ADGRL3: variants seen among roughly 807,000 people sequenced by gnomAD.
ADGRL3 encodes adhesion G protein-coupled receptor L3.
Under a neutral mutation model 153.5 loss-of-function variants are expected in ADGRL3, and 62 were observed. That is an observed-to-expected ratio of 0.40 (90% CI 0.33 to 0.50). ADGRL3 has a LOEUF of 0.50. ADGRL3 is among the 20% of genes least tolerant of loss of function. The pLI is 0.47. For synonymous variants in ADGRL3, 710 were observed against 672.5 expected, an observed-to-expected ratio of 1.06 and a Z score of -0.86; for missense variants, 1,641 against 1,859.4, an observed-to-expected ratio of 0.88 and a Z score of 2.16.
In ADGRL3 at chr4:61,895,816, C is replaced by G; in HGVS notation, c.1869C>G (p.Val623=). The change falls in exon 11 of 27, where the codon GTC becomes GTG. Residue 623 remains valine, a synonymous_variant. Coordinates refer to ENST00000683033, the MANE Select transcript of ADGRL3 (RefSeq NM_001387552.1). ...TCAGCAACTGTTCTTCTCCTTGGGT[C>G]AATCATATAACACAGAAGGTAAATC... is the stretch of plus-strand genomic sequence containing the variant. ...PDLSNCSSPW[V]NHITQKLKSG... 6.3e-7 allele frequency: 1 copy of G among 1,588,652 alleles called. No homozygotes were observed. Among genetic ancestry groups the G allele is most frequent in the Non-Finnish European group, 8.6e-7 (1 of 1,165,292 alleles).
At chr4:61,544,929 T>G (rs963750846) in intron 4 of ADGRL3, among the ~76,000 whole-genome samples, 11 of 152,032 alleles carry the variant, frequency 7.2e-5, no homozygotes, top group African/African-American at 2.4e-4. Flanking sequence ...TCTTTTACTC[T>G]TTTTTTTCAG....
In ADGRL3 at chr4:61,361,864, G is replaced by A. The variant is rs530991431; in HGVS notation, c.-239-21260G>A. 4.6e-5 allele frequency among the ~76,000 whole-genome samples: 7 copies of A among 151,028 alleles called. No individual in the cohort carries two copies. In the South Asian group the frequency reaches 1.0e-3, roughly 23 times the overall value. ...TAAATAAGCATAAAGTATAAAACATGTATACTCAACCATAAAATTGAAGAA... is the reference window on the plus strand; with the variant it reads ...TAAATAAGCATAAAGTATAAAACATATATACTCAACCATAAAATTGAAGAA... On this transcript the variant is annotated intron_variant, in intron 1 of 26. Transcript: ENST00000683033.
At chr4:61,887,228 T>A (rs1168264870) in intron 9 of ADGRL3, among the ~76,000 whole-genome samples, 1 of 152,032 alleles carries the variant, frequency 6.6e-6, no homozygotes, top group Non-Finnish European at 1.5e-5. Context: ...AAGATGCCCA[T>A]CCCAAATAAT....
chr4:61,515,572 A>G (rs2098488338), intron 3 of ADGRL3, among the ~76,000 whole-genome samples: 2 of 152,104 alleles, frequency 1.3e-5, no homozygotes, highest in Admixed American at 6.6e-5. Context: ...TGTAATGGGA[A>G]CTCAATAAAT....
chr4:61,313,827 C>A (rs1449465977), intron 1 of ADGRL3, among the ~76,000 whole-genome samples: 1 of 152,110 alleles, frequency 6.6e-6, no homozygotes, highest in Non-Finnish European at 1.5e-5. Context: ...CAGAGCCTAA[C>A]CTAACAGGTC....
chr4:61,204,153 A>G (rs941950785), intron 1 of ADGRL3, among the ~76,000 whole-genome samples: 2 of 152,150 alleles, frequency 1.3e-5, no homozygotes, highest in African/African-American at 2.4e-5. Context: ...TAGGTACAAT[A>G]ATTTCTGGAT....
chr4:61,885,014 C>T (rs1288133571), intron 9 of ADGRL3, among the ~76,000 whole-genome samples: 5 of 151,768 alleles, frequency 3.3e-5, no homozygotes, highest in South Asian at 2.1e-4. Context: ...CTGTGGCTCA[C>T]GCCTATAATC....
chr4:61,356,593 CAT>C (rs2096175746), intron 1 of ADGRL3, among the ~76,000 whole-genome samples: 1 of 152,046 alleles, frequency 6.6e-6, no homozygotes. Flanking sequence ...GAAGCAAACA[CAT>C]GTCATTCCAT....
intron 25 of ADGRL3, among the ~76,000 whole-genome samples, chr4:62,054,353 G>A (rs1735867309): frequency 6.6e-6 from 1 of 151,610 alleles, no homozygotes; most frequent in South Asian, 2.1e-4. Flanking sequence ...ACTTTGCTTT[G>A]AAGCAGATTC....
intron 1 of ADGRL3, among the ~76,000 whole-genome samples, chr4:61,217,050 T>A (rs1743117497): frequency 6.6e-6 from 1 of 152,246 alleles, no homozygotes; most frequent in Non-Finnish European, 1.5e-5. Context: ...TCATTAATTT[T>A]ATAATTCACT....
At chr4:61,975,113 G>C (rs1364938175) in intron 17 of ADGRL3, among the ~76,000 whole-genome samples, 1 of 152,056 alleles carries the variant, frequency 6.6e-6, no homozygotes, top group Non-Finnish European at 1.5e-5. Context: ...CTTTCAGTTA[G>C]GGAGGGCACA....
chr4:61,363,325 A>T (rs1488080895), intron 1 of ADGRL3, among the ~76,000 whole-genome samples: 1 of 149,532 alleles, frequency 6.7e-6, no homozygotes, highest in Admixed American at 6.8e-5. Context: ...AATTAATTGA[A>T]GTAAAAGCCG....
At chr4:61,824,425 A>T (rs2097783004) in intron 9 of ADGRL3, among the ~76,000 whole-genome samples, 2 of 152,230 alleles carry the variant, frequency 1.3e-5, no homozygotes, top group Non-Finnish European at 1.5e-5. Flanking sequence ...AATCTTGTAA[A>T]ATATTAAAAT....
chr4:62,033,385 T>C (rs932873339), intron 23 of ADGRL3, among the ~76,000 whole-genome samples: 1 of 151,820 alleles, frequency 6.6e-6, no homozygotes, highest in African/African-American at 2.4e-5. Flanking sequence ...GATGGCAGTC[T>C]GCCACACTTA....
intron 19 of ADGRL3, among the ~76,000 whole-genome samples, chr4:61,983,839 A>G (rs961128095): frequency 3.9e-5 from 6 of 152,168 alleles, no homozygotes; most frequent in African/African-American, 1.4e-4. Context: ...AACCTTGTGT[A>G]ATTATGAAGA....
chr4:61,737,946 A>ATAAG (rs2096538562), intron 8 of ADGRL3, among the ~76,000 whole-genome samples: 1 of 150,720 alleles, frequency 6.6e-6, no homozygotes, highest in African/African-American at 2.4e-5. Flanking sequence ...AATTACTTCC[A>ATAAG]TAAGTTTTTG....
intron 8 of ADGRL3, among the ~76,000 whole-genome samples, chr4:61,753,295 G>C (rs1327381987): frequency 6.6e-6 from 1 of 151,176 alleles, no homozygotes; most frequent in Non-Finnish European, 1.5e-5. Flanking sequence ...TTCTGTTTTT[G>C]ATTCCAGAAG....
intron 9 of ADGRL3, among the ~76,000 whole-genome samples, chr4:61,869,991 GGAGAGA>G (rs1178772578): frequency 6.2e-5 from 5 of 80,934 alleles, no homozygotes; most frequent in Non-Finnish European, 1.3e-4. Context: ...AGAGAGAGAG[GGAGAGA>G]GAGAGAGAGA....
chr4:61,377,716 C>A (rs1178263603), intron 1 of ADGRL3, among the ~76,000 whole-genome samples: 1 of 151,716 alleles, frequency 6.6e-6, no homozygotes, highest in African/African-American at 2.4e-5. Context: ...TTCCTTCATT[C>A]CCTCTTTTTT....
Sources: allele counts gnomAD v4.1 joint callset (sites outside exome capture counted in the v4.1 genomes callset), GRCh38; gene constraint gnomAD v4.1.1; transcripts MANE v1.5; gene names NCBI Gene and HGNC (gene_info 2026-07-23, HGNC 2026-07-21).